The following TEK variants were observed in gnomAD, a reference collection of about 807,000 sequenced individuals.
The protein encoded by TEK is angiopoietin-1 receptor.
TEK carries 43 observed loss-of-function variants against 131.8 expected under a neutral mutation model. The observed-to-expected ratio is 0.33, with a 90% CI of 0.26 to 0.42. The LOEUF (loss-of-function observed/expected upper bound fraction) is 0.42, where lower values mean the gene tolerates loss of function less well. TEK is among the 10% of genes least tolerant of loss of function. TEK has a pLI of 1.00. For synonymous variants in TEK, 580 were observed against 491.6 expected (o/e 1.18, Z -2.38); for missense variants, 1,162 against 1,384.4 (o/e 0.84, Z 2.55).
chr9:27,219,142 A>T (rs1197354534), intron 20 of TEK, among the ~76,000 whole-genome samples: 2 of 152,204 alleles, frequency 1.3e-5, no homozygotes, highest in African/African-American at 4.8e-5. Context: ...GCCATTTAAT[A>T]GCATGTGAAA....
At chr9:27,148,833 C>T (rs1212098586) in intron 1 of TEK, among the ~76,000 whole-genome samples, 1 of 152,154 alleles carries the variant, frequency 6.6e-6, no homozygotes, top group Non-Finnish European at 1.5e-5. Flanking sequence ...TTAAGTTTTA[C>T]ATGTAACATA....
chr9:27,214,599 A>G (rs1189577679), intron 18 of TEK, among the ~76,000 whole-genome samples: 1 of 152,198 alleles, frequency 6.6e-6, no homozygotes, highest in Non-Finnish European at 1.5e-5. Context: ...AACAATACTC[A>G]AGAACATTTT....
rs1821239950 is a variant in TEK at position 27,109,326 on chromosome 9, C to T, written c.-265C>T. ...GGATAGGGCTTGAGTGCCCCCAGCC[C>T]TGCTGATACCAAATGCCTTTAAGAT... On this transcript the variant is annotated 5_prime_UTR_variant, in exon 1 of 23. Coordinates refer to ENST00000380036, the MANE Select transcript of TEK (RefSeq NM_000459.5). 1 of 592,036 alleles carries T rather than the reference C, an allele frequency of 1.7e-6. No individual in the cohort carries two copies. Among genetic ancestry groups the T allele is most frequent in the African/African-American group, 1.9e-5 (1 of 53,712 alleles). The allele number at this position is 592,036 out of a possible 1,614,324, so 36.7% of individuals were successfully genotyped here.
intron 21 of TEK, among the ~76,000 whole-genome samples, chr9:27,220,504 T>G (rs1194728911): frequency 1.3e-5 from 2 of 152,118 alleles, no homozygotes; most frequent in African/African-American, 4.8e-5. Flanking sequence ...GGATACATTT[T>G]CGGGCTGGCA....
intron 11 of TEK, among the ~76,000 whole-genome samples, chr9:27,194,101 C>T (rs568999310): frequency 6.6e-6 from 1 of 152,308 alleles, no homozygotes; most frequent in African/African-American, 2.4e-5. Flanking sequence ...GTCACCACTC[C>T]CAGTCCAGGC....
chr9:27,228,671 G>C (rs912669448), intron 22 of TEK, among the ~76,000 whole-genome samples: 1 of 152,136 alleles, frequency 6.6e-6, no homozygotes, highest in Non-Finnish European at 1.5e-5. Flanking sequence ...TGACCTGCAG[G>C]TTACTATAAT....
intron 6 of TEK, among the ~76,000 whole-genome samples, chr9:27,179,733 G>C (rs1824291629): frequency 6.6e-6 from 1 of 150,630 alleles, no homozygotes; most frequent in African/African-American, 2.4e-5. Context: ...CCAAAGATCT[G>C]GGACTTTTCT....
At chr9:27,226,436 A>G (rs1040480015) in intron 21 of TEK, among the ~76,000 whole-genome samples, 1 of 152,230 alleles carries the variant, frequency 6.6e-6, no homozygotes, top group Non-Finnish European at 1.5e-5. Flanking sequence ...TTGGACGGAC[A>G]TGGATGAAGC....
chr9:27,124,386 A>T (rs1290627209), intron 1 of TEK, among the ~76,000 whole-genome samples: 8 of 152,198 alleles, frequency 5.3e-5, no homozygotes, highest in African/African-American at 7.2e-5. Context: ...CTCTGCGCAC[A>T]TATCATCTTT....
At chr9:27,219,755 TAAAG>T (rs1825985154) in intron 20 of TEK, among the ~76,000 whole-genome samples, 1 of 139,256 alleles carries the variant, frequency 7.2e-6, no homozygotes, top group Non-Finnish European at 1.6e-5. Context: ...ATTGGTATAA[TAAAG>T]GTTAATCTTA....
At chr9:27,114,765 A>T (rs1395508093) in intron 1 of TEK, among the ~76,000 whole-genome samples, 1 of 152,172 alleles carries the variant, frequency 6.6e-6, no homozygotes, top group Non-Finnish European at 1.5e-5. Flanking sequence ...TAGGTGTGAA[A>T]CATAAAAGAT....
At chr9:27,158,421 C>G (rs1823421807) in intron 2 of TEK, among the ~76,000 whole-genome samples, 2 of 152,076 alleles carry the variant, frequency 1.3e-5, no homozygotes, top group Middle Eastern at 3.2e-3. Context: ...GGATAGTTGA[C>G]TGTTACATGT....
chr9:27,183,365 G>A (rs41272845), intron 7 of TEK, 94 bp from the exon 8 acceptor site: 14,220 of 1,365,614 alleles, frequency 0.01, 110 homozygotes, highest in Non-Finnish European at 0.012. Flanking sequence ...GTTCTTGCCC[G>A]GTGCATGACT....
At chr9:27,190,428 G>T (rs1824774370) in intron 9 of TEK, 101 bp from the exon 10 acceptor site, 9 of 1,436,770 alleles carry the variant, frequency 6.3e-6, no homozygotes, top group African/African-American at 1.4e-5. Flanking sequence ...ACTTTAAGAG[G>T]ACTTTGTTGG....
intron 6 of TEK, among the ~76,000 whole-genome samples, chr9:27,178,459 A>G (rs1253557293): frequency 5.9e-5 from 9 of 152,128 alleles, no homozygotes; most frequent in Non-Finnish European, 1.2e-4. Context: ...CTGTGGTTCA[A>G]TATAAATTTT....
At chr9:27,219,921 A>G (rs1223355307) in intron 20 of TEK, 128 bp from the exon 21 acceptor site, 1 of 921,306 alleles carries the variant, frequency 1.1e-6, no homozygotes, top group African/African-American at 1.6e-5. Context: ...CAAGGGAGGC[A>G]TGCAGGATGC....
chr9:27,204,030 C>T (rs1825314687), intron 13 of TEK, among the ~76,000 whole-genome samples: 1 of 152,192 alleles, frequency 6.6e-6, no homozygotes, highest in South Asian at 2.1e-4. Context: ...AGGTCACACT[C>T]TTAGTGAATG....
chr9:27,218,356 T>A (rs889118857), intron 19 of TEK, among the ~76,000 whole-genome samples: 16 of 152,084 alleles, frequency 1.1e-4, no homozygotes, highest in Non-Finnish European at 2.9e-5. Context: ...GCTTTTTATG[T>A]TTCTCTGCAT....
At chr9:27,220,223 A>C in intron 21 of TEK, 78 bp downstream of exon 21, 1 of 1,396,844 alleles carries the variant, frequency 7.2e-7, no homozygotes, top group East Asian at 2.3e-5. Flanking sequence ...ACTCTAGCAA[A>C]GTCAGCCGGT....
Sources: allele counts gnomAD v4.1 joint callset (sites outside exome capture counted in the v4.1 genomes callset), GRCh38; gene constraint gnomAD v4.1.1; transcripts MANE v1.5; gene names NCBI Gene and HGNC (gene_info 2026-07-23, HGNC 2026-07-21).